Variants in CYP19A1 observed in about 807,000 individuals in gnomAD.
CYP19A1 encodes aromatase.
CYP19A1 carries 32 observed loss-of-function variants against 44.4 expected under a neutral mutation model. The ratio of observed to expected loss-of-function variants is 0.72; its 90% CI spans 0.54 to 0.97. The LOEUF (loss-of-function observed/expected upper bound fraction) is 0.97, where lower values mean the gene tolerates loss of function less well. Ranked by LOEUF, CYP19A1 falls within the 50% of genes least tolerant of loss-of-function variation. CYP19A1 has a pLI of 0.00. For synonymous variants in CYP19A1, 212 were observed against 215.6 expected (o/e 0.98, Z 0.14); for missense variants, 598 against 637.8 (o/e 0.94, Z 0.67).
intron 5 of CYP19A1, among the ~76,000 whole-genome samples, chr15:51,219,944 T>C (rs1386093986): frequency 6.6e-6 from 1 of 152,184 alleles, no homozygotes; most frequent in Non-Finnish European, 1.5e-5. Context: ...CTTCAAGTGA[T>C]TGTGGGCTCC....
intron 1 of CYP19A1, chr15:51,321,850 G>A (rs1298826831): frequency 2.0e-5 from 3 of 152,326 alleles, no homozygotes; most frequent in Admixed American, 6.5e-5. Context: ...ATGCTGGGAA[G>A]GGGGAAGGCC....
intron 1 of CYP19A1, among the ~76,000 whole-genome samples, chr15:51,284,841 T>G (rs1161601185): frequency 6.6e-6 from 1 of 152,208 alleles, no homozygotes; most frequent in African/African-American, 2.4e-5. Flanking sequence ...TCTCTCCAGG[T>G]GACAATCAGG....
intron 1 of CYP19A1, among the ~76,000 whole-genome samples, chr15:51,313,526 G>A (rs1005601858): frequency 5.3e-5 from 8 of 152,234 alleles, no homozygotes; most frequent in African/African-American, 1.9e-4. Flanking sequence ...GCCAGGCACA[G>A]TGGCTCATGC....
intron 1 of CYP19A1, among the ~76,000 whole-genome samples, chr15:51,286,412 G>T (rs1212137818): frequency 6.6e-6 from 1 of 152,168 alleles, no homozygotes; most frequent in African/African-American, 2.4e-5. Flanking sequence ...CTGTCTTCAG[G>T]CACTTGTTTG....
At chr15:51,237,228 A>T (rs537798602) in intron 2 of CYP19A1, among the ~76,000 whole-genome samples, 1 of 152,372 alleles carries the variant, frequency 6.6e-6, no homozygotes, top group South Asian at 2.1e-4. Flanking sequence ...AAAGGAGTTC[A>T]GTATCCATAC....
At chr15:51,328,353 T>A (rs1359196460) in intron 1 of CYP19A1, among the ~76,000 whole-genome samples, 2 of 152,212 alleles carry the variant, frequency 1.3e-5, no homozygotes, top group South Asian at 2.1e-4. Context: ...TGAGGGACAG[T>A]CACTTGTGAT....
chr15:51,227,433 G>A (rs961436640), intron 4 of CYP19A1, among the ~76,000 whole-genome samples: 8 of 152,028 alleles, frequency 5.3e-5, no homozygotes, highest in Admixed American at 2.0e-4. Flanking sequence ...TTGGGAGGCC[G>A]AGGCAGGTCA....
At chr15:51,244,778 A>G (rs1182165233) in intron 1 of CYP19A1, among the ~76,000 whole-genome samples, 1 of 152,234 alleles carries the variant, frequency 6.6e-6, no homozygotes, top group Non-Finnish European at 1.5e-5. Flanking sequence ...GAACTTCCAG[A>G]GGTATTTCAC....
chr15:51,276,259 C>T (rs1362007854), intron 1 of CYP19A1, among the ~76,000 whole-genome samples: 1 of 152,180 alleles, frequency 6.6e-6, no homozygotes, highest in Non-Finnish European at 1.5e-5. Flanking sequence ...GTTTGTCCAT[C>T]TTCGTCAGAT....
chr15:51,235,213 C>A (rs561456078), intron 3 of CYP19A1, among the ~76,000 whole-genome samples: 16 of 152,046 alleles, frequency 1.1e-4, no homozygotes, highest in Non-Finnish European at 2.1e-4. Flanking sequence ...CCTAATAGAC[C>A]AGGAGAATTA....
intron 1 of CYP19A1, chr15:51,313,213 T>C (rs958053902): frequency 6.6e-6 from 1 of 152,246 alleles, no homozygotes; most frequent in Non-Finnish European, 1.5e-5. Context: ...AAAAGGTGAG[T>C]GGATTGATTT....
intron 9 of CYP19A1, 82 bp from the exon 10 acceptor site, chr15:51,211,138 G>T (rs745887920): frequency 2.1e-5 from 20 of 943,432 alleles, no homozygotes; most frequent in Admixed American, 3.6e-5. Context: ...TGAAAACATG[G>T]GTCAGTCAGA....
intron 1 of CYP19A1, among the ~76,000 whole-genome samples, chr15:51,250,902 C>A (rs2034281613): frequency 6.6e-6 from 1 of 152,168 alleles, no homozygotes; most frequent in South Asian, 2.1e-4. Context: ...AATTTTCCAG[C>A]CAAAACTGGG....
chr15:51,276,691 T>G (rs1181178531), intron 1 of CYP19A1, among the ~76,000 whole-genome samples: 1 of 152,232 alleles, frequency 6.6e-6, no homozygotes, highest in Admixed American at 6.5e-5. Context: ...AAAAAATTTC[T>G]GCAATTCAAT....
intron 2 of CYP19A1, chr15:51,242,078 G>A (rs1566890004): frequency 6.5e-6 from 1 of 153,868 alleles, no homozygotes; most frequent in Non-Finnish European, 1.5e-5. Flanking sequence ...GTGGAAGGGT[G>A]GGGTTTTCTA....
chr15:51,257,668 A>G (rs1034650970), intron 1 of CYP19A1, among the ~76,000 whole-genome samples: 2 of 152,186 alleles, frequency 1.3e-5, no homozygotes, highest in East Asian at 3.8e-4. Context: ...GATCAATCCC[A>G]CACAGCGCTG....
At chr15:51,237,140 A>G (rs1401977063) in intron 2 of CYP19A1, 131 bp from the exon 3 acceptor site, 1 of 1,051,496 alleles carries the variant, frequency 9.5e-7, no homozygotes, top group Non-Finnish European at 1.4e-6. Context: ...TGAATCACGA[A>G]TAAAGTGATT....
intron 8 of CYP19A1, among the ~76,000 whole-genome samples, chr15:51,212,864 G>A (rs1228637551): frequency 6.6e-6 from 1 of 152,164 alleles, no homozygotes; most frequent in East Asian, 1.9e-4. Context: ...ATGGGCTGAC[G>A]CTGAGTGGCC....
intron 1 of CYP19A1, chr15:51,321,964 A>T (rs1378744466): frequency 7.5e-5 from 11 of 145,920 alleles, no homozygotes; most frequent in Non-Finnish European, 1.6e-4. Context: ...AAAAAAAAAC[A>T]TAATAAATAA....
Sources: allele counts gnomAD v4.1 joint callset (sites outside exome capture counted in the v4.1 genomes callset), GRCh38; gene constraint gnomAD v4.1.1; transcripts MANE v1.5; gene names NCBI Gene and HGNC (gene_info 2026-07-23, HGNC 2026-07-21).